ABCC1: variants seen among roughly 807,000 people sequenced by gnomAD.
ABCC1 encodes ATP binding cassette subfamily C member 1 (ABCC1 blood group), also known as multidrug resistance-associated protein 1.
Under a neutral mutation model 172.9 loss-of-function variants are expected in ABCC1, and 83 were observed. That is an observed-to-expected ratio of 0.48 (90% CI 0.40 to 0.58). The LOEUF is 0.58. Among genes scored for constraint, ABCC1 ranks in the 20% least tolerant of loss-of-function variants. ABCC1 has a pLI of 0.00. For missense variants in ABCC1, 1,817 were observed against 2,002.7 expected (o/e 0.91, Z 1.77); for synonymous variants, 937 against 825.2 (o/e 1.14, Z -2.32).
At chr16:16,104,224 G>C (rs182847720) in intron 20 of ABCC1, among the ~76,000 whole-genome samples, 2 of 152,174 alleles carry the variant, frequency 1.3e-5, no homozygotes, top group Non-Finnish European at 2.9e-5. Flanking sequence ...GGGTACCCCA[G>C]TAGGTGGCCA....
At chr16:16,007,679 C>T (rs1003103313) in intron 1 of ABCC1, 137 bp from the exon 2 acceptor site, 10 of 721,594 alleles carry the variant, frequency 1.4e-5, no homozygotes, top group Non-Finnish European at 2.0e-5. Context: ...TTTGCGTGTT[C>T]ATCCTGAAAG....
rs1479476888 is a variant in ABCC1 at position 16,136,505 on chromosome 16, C to T, written c.4153C>T (p.Arg1385Ter). 6 of 1,614,164 alleles carry T rather than the reference C, an allele frequency of 3.7e-6. No homozygotes were observed. Among genetic ancestry groups the T allele is most frequent in the East Asian group, 2.2e-5 (1 of 44,872 alleles). Reference sequence around the variant, plus strand: ...CCCTGTTTTGTTTTCGGGTTCCCTCCGAATGAACCTGGACCCATTCAGCCA... The same window carrying T: ...CCCTGTTTTGTTTTCGGGTTCCCTCTGAATGAACCTGGACCCATTCAGCCA... ...QDPVLFSGSL[R>*]MNLDPFSQYS... The change falls in exon 29 of 31, where the codon CGA becomes TGA. Residue 1385 changes from arginine to a stop codon, truncating the protein, a stop_gained. Transcript: ENST00000399410. LOFTEE classifies it high-confidence loss of function.
At position 16,124,905 on chromosome 16, in the gene ABCC1, A is replaced by T. The variant is rs1471975440; in HGVS notation, c.3707A>T (p.Tyr1236Phe). Residue 1236 changes from tyrosine (Y) to phenylalanine (F), a missense_variant, in exon 25 of 31, where the codon TAC (tyrosine) becomes TTC (phenylalanine). Coordinates refer to ENST00000399410, the MANE Select transcript of ABCC1 (RefSeq NM_004996.4). ...GGCTTGGTGGGCCTCTCAGTGTCTT[A>T]CTCATTGCAGGTAAGAGGGGATGCT... ...SAGLVGLSVS[Y>F]SLQVTTYLNW... 3 of 1,614,128 alleles carry T rather than the reference A, an allele frequency of 1.9e-6. No individual in the cohort carries two copies. Among genetic ancestry groups the T allele is most frequent in the South Asian group, 2.2e-5 (2 of 91,082 alleles).
chr16:16,041,941 A>G (rs2151866512), intron 7 of ABCC1, among the ~76,000 whole-genome samples: 2 of 152,242 alleles, frequency 1.3e-5, no homozygotes, highest in South Asian at 4.2e-4. Flanking sequence ...TGCTAAAAAT[A>G]CAAAAATTAG....
At chr16:16,060,752 C>A (rs1240308123) in intron 12 of ABCC1, among the ~76,000 whole-genome samples, 1 of 151,954 alleles carries the variant, frequency 6.6e-6, no homozygotes, top group Non-Finnish European at 1.5e-5. Flanking sequence ...GAACTCCTGA[C>A]CTCAAGTGAT....
chr16:15,977,525 T>C (rs1261075237), intron 1 of ABCC1, among the ~76,000 whole-genome samples: 4 of 152,212 alleles, frequency 2.6e-5, no homozygotes, highest in African/African-American at 9.6e-5. Context: ...CATGAGCCTC[T>C]GTGGCCAGCT....
chr16:16,041,075 G>C (rs1009862483), intron 7 of ABCC1, among the ~76,000 whole-genome samples: 1 of 150,746 alleles, frequency 6.6e-6, no homozygotes, highest in Non-Finnish European at 1.5e-5. Flanking sequence ...CTACAGGCAC[G>C]TGCCACCACA....
At chr16:16,140,731 G>T (rs549387451) in intron 30 of ABCC1, among the ~76,000 whole-genome samples, 1 of 152,308 alleles carries the variant, frequency 6.6e-6, no homozygotes, top group Admixed American at 6.5e-5. Flanking sequence ...TCATTTTCCT[G>T]TTGTCTCTGG....
In ABCC1 at chr16:16,065,455, C is replaced by T. The variant is rs137879877; in HGVS notation, c.1678-2701C>T. On this transcript the variant is annotated intron_variant, in intron 12 of 30. Transcript: ENST00000399410. ...TATTAATATTATTGTTGTTTTGAGA[C>T]GGAGTCTTGCTCTGTTGCACACGCT... Among the ~76,000 whole-genome samples the T allele has an allele frequency of 4.9e-3, 748 of 152,066 alleles. 4 individuals are homozygous for T. The highest frequency in any genetic ancestry group is 0.011 in the African/African-American group (460 of 41,478).
intron 1 of ABCC1, among the ~76,000 whole-genome samples, chr16:15,970,908 C>T (rs1400816491): frequency 6.6e-6 from 1 of 152,212 alleles, no homozygotes; most frequent in East Asian, 1.9e-4. Context: ...AACTCAGTCC[C>T]TAAAGACAAC....
chr16:15,977,042 G>A (rs146873331), intron 1 of ABCC1, among the ~76,000 whole-genome samples: 10 of 152,202 alleles, frequency 6.6e-5, no homozygotes, highest in African/African-American at 2.4e-4. Flanking sequence ...GAGGATTTCA[G>A]TTTGTCATAG....
At chr16:16,084,195 C>T (rs552252268) in intron 17 of ABCC1, among the ~76,000 whole-genome samples, 52 of 151,376 alleles carry the variant, frequency 3.4e-4, no homozygotes, top group African/African-American at 9.5e-4. Context: ...CTCTGCCTCC[C>T]GCGTTCAGGT....
chr16:16,036,308 CT>C (rs2048754050), intron 6 of ABCC1, among the ~76,000 whole-genome samples, 163 bp from the exon 7 acceptor site: 1 of 152,034 alleles, frequency 6.6e-6, no homozygotes, highest in African/African-American at 2.4e-5. Flanking sequence ...AAATGTCCAT[CT>C]GCATTCTGAC....
intron 1 of ABCC1, among the ~76,000 whole-genome samples, chr16:15,963,674 G>T (rs2046185794): frequency 1.3e-5 from 2 of 152,186 alleles, no homozygotes. Context: ...TGTGTACCTT[G>T]GCTCCTCTTA....
intron 1 of ABCC1, among the ~76,000 whole-genome samples, chr16:15,982,805 A>AAAAAAAAAAAAAAC (rs2046654242): frequency 6.9e-6 from 1 of 144,610 alleles, no homozygotes; most frequent in Non-Finnish European, 1.5e-5. Flanking sequence ...GACGCTGTCA[A>AAAAAAAAAAAAAAC]AAAAAAAAAA....
At chr16:16,026,601 A>G (rs2151807775) in intron 5 of ABCC1, among the ~76,000 whole-genome samples, 1 of 151,088 alleles carries the variant, frequency 6.6e-6, no homozygotes, top group African/African-American at 2.4e-5. Context: ...AATTTGACAA[A>G]GCTCTTTGAG....
intron 22 of ABCC1, among the ~76,000 whole-genome samples, chr16:16,112,976 C>T (rs888127142): frequency 1.3e-5 from 2 of 152,194 alleles, no homozygotes; most frequent in Non-Finnish European, 2.9e-5. Flanking sequence ...TACTTGAGCC[C>T]CTGCCTATTG....
At chr16:16,140,552 G>A (rs982293040) in intron 30 of ABCC1, among the ~76,000 whole-genome samples, 1 of 152,168 alleles carries the variant, frequency 6.6e-6, no homozygotes, top group African/African-American at 2.4e-5. Context: ...CAGATGCTGA[G>A]TTGGTGCTTT....
At chr16:15,955,697 C>T (rs2045981561) in intron 1 of ABCC1, among the ~76,000 whole-genome samples, 2 of 151,920 alleles carry the variant, frequency 1.3e-5, no homozygotes, top group Non-Finnish European at 2.9e-5. Flanking sequence ...CCCGTTCTTT[C>T]CCTCCACTAG....
Sources: allele counts gnomAD v4.1 joint callset (sites outside exome capture counted in the v4.1 genomes callset), GRCh38; gene constraint gnomAD v4.1.1; transcripts MANE v1.5; gene names NCBI Gene and HGNC (gene_info 2026-07-23, HGNC 2026-07-21).